TCHP: variants seen among roughly 807,000 people sequenced by gnomAD.
TCHP encodes the protein trichoplein keratin filament binding, also known as trichoplein keratin filament-binding protein.
TCHP carries 81 observed loss-of-function variants against 88.7 expected under a neutral mutation model. The observed-to-expected ratio is 0.91, with a 90% CI of 0.76 to 1.10. TCHP has a LOEUF of 1.10. Among genes scored for constraint, TCHP ranks in the 50% least tolerant of loss-of-function variants. The probability of loss-of-function intolerance (pLI) is 0.00; values close to 1 mark genes in which losing one functional copy is unlikely to be tolerated. For missense variants in TCHP, 641 were observed against 632.1 expected, an observed-to-expected ratio of 1.01 and a Z score of -0.15; for synonymous variants, 232 against 232.5, an observed-to-expected ratio of 1.00 and a Z score of 0.02.
chr12:109,888,766 C>A, the TCHP span, among the ~76,000 whole-genome samples: 1 of 152,210 alleles, frequency 6.6e-6, no homozygotes, highest in African/African-American at 2.4e-5. Context: ...GAGCAAGTCA[C>A]TTCCTGTGTC....
intron 3 of TCHP, 66 bp downstream of exon 3, chr12:109,904,213 A>G: frequency 1.4e-6 from 2 of 1,430,126 alleles, no homozygotes; most frequent in South Asian, 1.2e-5. Context: ...TGTGTCGCAC[A>G]TGTAGGGTCA....
chr12:109,905,012 C>T lies in TCHP; in HGVS notation c.456+219C>T. 3.6e-6 allele frequency: 2 copies of T among 554,222 alleles called. No individual in the cohort carries two copies. Among genetic ancestry groups the T allele is most frequent in the Non-Finnish European group, 3.2e-6 (1 of 312,324 alleles). 34.3% of individuals were successfully genotyped at this position (554,222 alleles called of 1,614,324 possible). ...ATTGAACCTCCGCTGCCTGGTCTGC[C>T]AGGTGCGGGCATGGAGATTAGACAT... is the stretch of plus-strand genomic sequence containing the variant. On this transcript the variant is annotated intron_variant, in intron 4 of 12. Transcript: ENST00000405876. This position sits in a 1 kb window ranked among gnomAD's most constrained non-coding sequence, Gnocchi z 4.0.
the TCHP span, among the ~76,000 whole-genome samples, chr12:109,884,974 G>C: frequency 4.0e-4 from 61 of 152,268 alleles, no homozygotes; most frequent in South Asian, 8.7e-3. Flanking sequence ...CTTTGTTTTT[G>C]TTTTTGTTTT....
At chr12:109,893,235 T>C in the TCHP span, among the ~76,000 whole-genome samples, 8,010 of 151,928 alleles carry the variant, frequency 0.053, 307 homozygotes, top group East Asian at 0.12. Context: ...CAAAATTAAC[T>C]GGGTGTGGTG....
At chr12:109,904,171 A>G (rs949426992) in intron 3 of TCHP, 24 bp downstream of exon 3, 4 of 1,550,800 alleles carry the variant, frequency 2.6e-6, no homozygotes, top group Admixed American at 2.0e-5. Flanking sequence ...GGGCTTCAGG[A>G]GGCTGTGGAG....
chr12:109,914,993 ATATG>A (rs1302946036), intron 11 of TCHP: 7 of 400,754 alleles, frequency 1.7e-5, no homozygotes, highest in Admixed American at 4.1e-5. Context: ...CACGCCACGC[ATATG>A]TATAGCCTCT....
the TCHP span, among the ~76,000 whole-genome samples, chr12:109,882,857 C>T: frequency 6.6e-6 from 1 of 151,268 alleles, no homozygotes; most frequent in Non-Finnish European, 1.5e-5. Context: ...TGGGGTTTCA[C>T]CATGTTGGCC....
chr12:109,903,193 C>T lies in TCHP; in HGVS notation c.167C>T (p.Ser56Phe), dbSNP rs747428120. Residue 56 changes from serine to phenylalanine, a missense_variant, in exon 2 of 13, where the codon TCT (serine) becomes TTT (phenylalanine). Physicochemically the swap from Ser to Phe is radical, Grantham distance 155. Coordinates refer to ENST00000405876, the MANE Select transcript of TCHP (RefSeq NM_001143852.2). This position sits in a 1 kb window ranked among gnomAD's most constrained non-coding sequence, Gnocchi z 4.6. ...AGCTCCAAACAGGCAGAATGGAGCT[C>T]TAAAACCTCCTACCAGCGGAGGTAA... ...ICSSKQAEWS[S>F]KTSYQRSMHA... is the part of the protein sequence containing the mutation. 6.2e-7 allele frequency: 1 copy of T among 1,612,516 alleles called. No individual in the cohort carries two copies. Among genetic ancestry groups the T allele is most frequent in the Non-Finnish European group, 8.5e-7 (1 of 1,178,864 alleles).
intron 10 of TCHP, among the ~76,000 whole-genome samples, chr12:109,913,767 G>A (rs868787678): frequency 6.6e-6 from 1 of 152,218 alleles, no homozygotes; most frequent in Non-Finnish European, 1.5e-5. Flanking sequence ...GTAGTATGCT[G>A]TATTTTGGAA....
At chr12:109,915,826 G>A (rs1870791428) in intron 12 of TCHP, among the ~76,000 whole-genome samples, 1 of 152,164 alleles carries the variant, frequency 6.6e-6, no homozygotes, top group East Asian at 1.9e-4. Flanking sequence ...GTCAATCTAA[G>A]AAGAGCTGTG....
chr12:109,911,877 A>G lies in TCHP; in HGVS notation c.1052+642A>G, dbSNP rs571411489. On this transcript the variant is annotated intron_variant, in intron 9 of 12. Coordinates refer to ENST00000405876, the MANE Select transcript of TCHP (RefSeq NM_001143852.2). ...AGTGGCATGATCTCGGCTGACTGCA[A>G]TCTCTGCCTCCTGGGTTCAAGTAAT... Among the ~76,000 whole-genome samples the G allele has an allele frequency of 4.5e-4, 69 of 151,992 alleles. No individual in the cohort carries two copies. The South Asian group carries it at 8.5e-3, about 19-fold the overall frequency.
rs753857784 is a variant in TCHP, at chr12:109,911,070, A to G, written c.887A>G (p.Asp296Gly). Residue 296 changes from aspartate (D) to glycine (G), a missense_variant, in exon 9 of 13, where the codon GAC becomes GGC. Physicochemically the swap from Asp to Gly is moderately conservative, Grantham distance 94 (BLOSUM62 -1). Coordinates refer to ENST00000405876, the MANE Select transcript of TCHP (RefSeq NM_001143852.2). Reference protein sequence around the residue: ...TQQIQEELEADRRILQALLEK... With the variant: ...TQQIQEELEAGRRILQALLEK... ...GCCCTCTGCTTCCTCTAGGAGGCAG[A>G]CAGGCGGATCCTGCAGGCCCTCCTC... The G allele has an allele frequency of 8.9e-6, 14 of 1,577,212 alleles. No homozygotes were observed. Among genetic ancestry groups the G allele is most frequent in the Non-Finnish European group, 1.2e-5 (14 of 1,161,428 alleles).
chr12:109,881,374 C>T, the TCHP span, among the ~76,000 whole-genome samples: 3 of 152,240 alleles, frequency 2.0e-5, no homozygotes, highest in African/African-American at 7.2e-5. Flanking sequence ...GTAACATCCT[C>T]TCCATTTGCA....
the TCHP span, among the ~76,000 whole-genome samples, chr12:109,882,730 T>C: frequency 7.0e-6 from 1 of 143,584 alleles, no homozygotes; most frequent in Admixed American, 7.2e-5. Context: ...CAATCTCGGC[T>C]CACTGCAACC....
chr12:109,889,722 C>G, the TCHP span, among the ~76,000 whole-genome samples: 1 of 152,200 alleles, frequency 6.6e-6, no homozygotes, highest in Non-Finnish European at 1.5e-5. Context: ...GCAGGCAGCC[C>G]TCGATGAATG....
Position 109,911,089 on chromosome 12 carries a change from C to T in TCHP, c.906C>T (p.Ala302=). 6.3e-7 allele frequency: 1 copy of T among 1,593,938 alleles called. No homozygotes were observed. Among genetic ancestry groups the T allele is most frequent in the Non-Finnish European group, 8.5e-7 (1 of 1,171,124 alleles). ...AGGCAGACAGGCGGATCCTGCAGGC[C>T]CTCCTCGAGAAGGAGGACGAGAGCC... ...ELEADRRILQ[A]LLEKEDESQR... Residue 302 remains alanine, a synonymous_variant, in exon 9 of 13, where the codon GCC becomes GCT. Transcript: ENST00000405876.
chr12:109,888,112 G>GC, the TCHP span: 2,799 of 152,396 alleles, frequency 0.018, 100 homozygotes, highest in African/African-American at 0.064. Flanking sequence ...CCTCCCCAGT[G>GC]CCCCCCATTA....
At chr12:109,891,545 C>T in the TCHP span, among the ~76,000 whole-genome samples, 1 of 150,208 alleles carries the variant, frequency 6.7e-6, no homozygotes, top group Non-Finnish European at 1.5e-5. Context: ...AGGTGCGCAA[C>T]ACCATACCTG....
the TCHP span, among the ~76,000 whole-genome samples, chr12:109,882,428 T>TAA: frequency 2.0e-5 from 2 of 98,420 alleles, no homozygotes; most frequent in Non-Finnish European, 2.1e-5. Context: ...AGACTCCGTC[T>TAA]AAAAAAAAAA....
Sources: gnomAD v4.1 joint callset for allele counts (sites outside exome capture counted in the v4.1 genomes callset) on GRCh38, gnomAD v4.1.1 for gene constraint, Gnocchi (gnomAD v3.1) non-coding constraint, MANE v1.5 for transcripts, NCBI Gene and HGNC (gene_info 2026-07-23, HGNC 2026-07-21) for gene names.